CLMP: variants seen among roughly 807,000 people sequenced by gnomAD.
CLMP encodes the protein CXADR-like membrane protein.
In CLMP, 27 loss-of-function variants were observed where a neutral mutation model predicts 45.2. The observed-to-expected ratio is 0.60, with a 90% CI of 0.44 to 0.82. The LOEUF (loss-of-function observed/expected upper bound fraction) is 0.82, where lower values mean the gene tolerates loss of function less well. CLMP is among the 40% of genes least tolerant of loss of function. CLMP has a pLI of 0.00. For missense variants in CLMP, 403 were observed against 448.4 expected, an observed-to-expected ratio of 0.90 and a Z score of 0.91; for synonymous variants, 167 against 171.4, an observed-to-expected ratio of 0.97 and a Z score of 0.20.
At chr11:123,177,066 T>A (rs1210693924) in intron 1 of CLMP, among the ~76,000 whole-genome samples, 1 of 152,118 alleles carries the variant, frequency 6.6e-6, no homozygotes, top group South Asian at 2.1e-4. Flanking sequence ...TGCGGGTGAT[T>A]GTTGCCATAA....
At chr11:123,160,556 G>A (rs544023511) in intron 1 of CLMP, among the ~76,000 whole-genome samples, 87 of 152,244 alleles carry the variant, frequency 5.7e-4, no homozygotes, top group African/African-American at 2.0e-3. Flanking sequence ...ATTTGGATTG[G>A]CTCAAGTTAG....
chr11:123,185,683 G>C (rs1425264663), intron 1 of CLMP, among the ~76,000 whole-genome samples: 1 of 152,148 alleles, frequency 6.6e-6, no homozygotes, highest in Non-Finnish European at 1.5e-5. Flanking sequence ...CTGAAAACCC[G>C]GACTCTGCCT....
At chr11:123,074,173 CTTTTTT>C (rs113482011) in intron 6 of CLMP, among the ~76,000 whole-genome samples, 1 of 130,682 alleles carries the variant, frequency 7.7e-6, no homozygotes, top group African/African-American at 2.9e-5. Flanking sequence ...TATGTACATA[CTTTTTT>C]TTTTTTTTTT....
chr11:123,121,487 G>A (rs1408230821), intron 1 of CLMP, among the ~76,000 whole-genome samples: 4 of 152,014 alleles, frequency 2.6e-5, no homozygotes, highest in African/African-American at 4.8e-5. Context: ...TAGTAGAGAC[G>A]GGGTTTCACC....
chr11:123,128,035 C>CA (rs35399534), intron 1 of CLMP, among the ~76,000 whole-genome samples: 1,626 of 91,712 alleles, frequency 0.018, 24 homozygotes, highest in Non-Finnish European at 0.022. Context: ...GACTCTGTCT[C>CA]AAAAAAAAAA....
chr11:123,119,006 T>C (rs1190295437), intron 1 of CLMP, among the ~76,000 whole-genome samples: 2 of 31,582 alleles, frequency 6.3e-5, no homozygotes, highest in African/African-American at 1.7e-4. Flanking sequence ...TCTTTCTCTC[T>C]CTCTCTCTCT....
intron 1 of CLMP, among the ~76,000 whole-genome samples, chr11:123,174,683 T>C (rs7104894): frequency 0.65 from 98,743 of 151,626 alleles, 33,082 homozygotes; most frequent in African/African-American, 0.81. Context: ...TGTCTAGAGG[T>C]GGCAACCTAA....
At chr11:123,150,484 G>GA (rs1565397469) in intron 1 of CLMP, among the ~76,000 whole-genome samples, 385 of 32,686 alleles carry the variant, frequency 0.012, 1 homozygote, top group East Asian at 0.019. Flanking sequence ...AGAAAGAAAG[G>GA]AAGGAAGGAA....
chr11:123,074,473 C>T (rs1356624738), intron 6 of CLMP, among the ~76,000 whole-genome samples: 10 of 152,156 alleles, frequency 6.6e-5, no homozygotes, highest in Non-Finnish European at 1.2e-4. Context: ...TGACCTACCA[C>T]GCCCAGCCTA....
intron 1 of CLMP, among the ~76,000 whole-genome samples, chr11:123,192,301 G>T (rs1169492451): frequency 6.6e-6 from 1 of 152,180 alleles, no homozygotes; most frequent in Non-Finnish European, 1.5e-5. Flanking sequence ...GTTTTTGGAA[G>T]AAGGGAGAAA....
chr11:123,184,374 C>T (rs1861806291), intron 1 of CLMP, among the ~76,000 whole-genome samples: 1 of 152,210 alleles, frequency 6.6e-6, no homozygotes, highest in Admixed American at 6.5e-5. Flanking sequence ...GAATTACAAG[C>T]ATGAGCCACC....
chr11:123,136,726 C>A (rs1861078985), intron 1 of CLMP, among the ~76,000 whole-genome samples: 1 of 151,556 alleles, frequency 6.6e-6, no homozygotes, highest in African/African-American at 2.4e-5. Context: ...TGCCACCCTG[C>A]CTGGCTAGTT....
chr11:123,090,739 A>G (rs1865921755), intron 2 of CLMP, among the ~76,000 whole-genome samples: 1 of 152,190 alleles, frequency 6.6e-6, no homozygotes, highest in African/African-American at 2.4e-5. Context: ...TTCTGTTCCC[A>G]GAAAGAGCTG....
At chr11:123,187,254 G>A (rs1591491023) in intron 1 of CLMP, among the ~76,000 whole-genome samples, 1 of 152,146 alleles carries the variant, frequency 6.6e-6, no homozygotes, top group Admixed American at 6.6e-5. Context: ...TTCTTACAGC[G>A]GTTGCTCCAT....
chr11:123,147,539 A>C (rs1861255640), intron 1 of CLMP, among the ~76,000 whole-genome samples: 1 of 152,118 alleles, frequency 6.6e-6, no homozygotes, highest in South Asian at 2.1e-4. Context: ...CAGCCTCCCA[A>C]AGTGCTAGGA....
At chr11:123,099,555 T>G (rs1866030724) in intron 1 of CLMP, among the ~76,000 whole-genome samples, 1 of 152,252 alleles carries the variant, frequency 6.6e-6, no homozygotes, top group African/African-American at 2.4e-5. Flanking sequence ...TAAAAGGCAA[T>G]TTATTTTATT....
In CLMP at chr11:123,083,044, A is replaced by C. The variant is rs1865823443; in HGVS notation, c.679+41T>G. 5 of 1,610,402 alleles carry C rather than the reference A, an allele frequency of 3.1e-6. No individual in the cohort carries two copies. The Admixed American group carries it at 8.4e-5, about 27-fold the overall frequency. On this transcript the variant is annotated intron_variant, in intron 5 of 6. Transcript: ENST00000448775. ...CTTAACATTGATCTACAATGCAAAA[A>C]CAAACAGAAAAATGAAACTAAAACC...
At chr11:123,182,485 G>A (rs1316683704) in intron 1 of CLMP, among the ~76,000 whole-genome samples, 1 of 152,186 alleles carries the variant, frequency 6.6e-6, no homozygotes, top group Non-Finnish European at 1.5e-5. Flanking sequence ...TTCAGAGCCA[G>A]GCATCAAACA....
intron 1 of CLMP, among the ~76,000 whole-genome samples, chr11:123,137,142 T>TTTTTC (rs1246578998): frequency 8.6e-6 from 1 of 116,414 alleles, no homozygotes. Context: ...TCTTTTTTTC[T>TTTTTC]TTTTCTTTTT....
Sources: allele counts gnomAD v4.1 joint callset (sites outside exome capture counted in the v4.1 genomes callset), GRCh38; gene constraint gnomAD v4.1.1; transcripts MANE v1.5; gene names NCBI Gene and HGNC (gene_info 2026-07-23, HGNC 2026-07-21).